ARK2C: variants seen among roughly 807,000 people sequenced by gnomAD.
ARK2C encodes E3 ubiquitin-protein ligase ARK2C.
the ARK2C span, among the ~76,000 whole-genome samples, chr18:46,343,231 G>A: frequency 5.9e-3 from 902 of 152,300 alleles, 8 homozygotes; most frequent in Middle Eastern, 0.027. Context: ...CCCTTCCATC[G>A]AGAGGCCCAA....
the ARK2C span, chr18:46,450,460 C>T: frequency 1.6e-6 from 2 of 1,249,228 alleles, no homozygotes; most frequent in Non-Finnish European, 2.4e-6. Context: ...GTTATCATCC[C>T]TTTTCCCTCC....
the ARK2C span, among the ~76,000 whole-genome samples, chr18:46,372,406 G>A: frequency 6.6e-6 from 1 of 152,330 alleles, no homozygotes; most frequent in African/African-American, 2.4e-5. Context: ...CCTCCCAGAG[G>A]CTGCATACAG....
the ARK2C span, among the ~76,000 whole-genome samples, chr18:46,416,456 A>G: frequency 2.6e-5 from 4 of 152,354 alleles, no homozygotes; most frequent in East Asian, 7.7e-4. Flanking sequence ...GAGACAATAC[A>G]GGGACTTTTC....
chr18:46,439,728 A>G, the ARK2C span, among the ~76,000 whole-genome samples: 1 of 152,234 alleles, frequency 6.6e-6, no homozygotes, highest in Non-Finnish European at 1.5e-5. Flanking sequence ...TTTATTATAG[A>G]AAATATCAAA....
At chr18:46,389,460 G>A in the ARK2C span, among the ~76,000 whole-genome samples, 2 of 152,162 alleles carry the variant, frequency 1.3e-5, no homozygotes, top group Non-Finnish European at 2.9e-5. Flanking sequence ...TGTAGGCACG[G>A]AAGTATATGT....
chr18:46,346,761 C>A, the ARK2C span, among the ~76,000 whole-genome samples: 1 of 152,164 alleles, frequency 6.6e-6, no homozygotes, highest in Admixed American at 6.5e-5. Flanking sequence ...CACCACACAC[C>A]CCACTTCCCC....
At chr18:46,365,085 T>A in the ARK2C span, among the ~76,000 whole-genome samples, 41 of 152,324 alleles carry the variant, frequency 2.7e-4, 2 homozygotes, top group South Asian at 8.3e-3. Context: ...ATATTCCTGC[T>A]TTATCACCAT....
At chr18:46,432,893 C>A in the ARK2C span, among the ~76,000 whole-genome samples, 1 of 152,054 alleles carries the variant, frequency 6.6e-6, no homozygotes, top group Non-Finnish European at 1.5e-5. Flanking sequence ...TGCAGTGAGC[C>A]GAGATCGCGC....
At chr18:46,437,138 T>TCCCTGCCCTAGCAGGGGATGCTAGGAGG in the ARK2C span, among the ~76,000 whole-genome samples, 7,416 of 152,066 alleles carry the variant, frequency 0.049, 257 homozygotes, top group Non-Finnish European at 0.07. Context: ...GGGAGGCTGG[T>TCCCTGCCCTAGCAGGGGATGCTAGGAGG]CCCTGCCCTA....
the ARK2C span, among the ~76,000 whole-genome samples, chr18:46,383,917 C>T: frequency 1.3e-5 from 2 of 152,186 alleles, no homozygotes; most frequent in Non-Finnish European, 2.9e-5. Flanking sequence ...GTAGTCAGTC[C>T]GATGAAGTTA....
chr18:46,389,441 C>A, the ARK2C span, among the ~76,000 whole-genome samples: 1 of 152,162 alleles, frequency 6.6e-6, no homozygotes, highest in African/African-American at 2.4e-5. Flanking sequence ...TGGTTCAATC[C>A]CTTCATTTTG....
At chr18:46,451,026 G>T in the ARK2C span, among the ~76,000 whole-genome samples, 2 of 151,966 alleles carry the variant, frequency 1.3e-5, no homozygotes, top group Non-Finnish European at 2.9e-5. Flanking sequence ...AAGAAGGAGA[G>T]CTGGGTATCC....
the ARK2C span, chr18:46,337,035 TG>T: frequency 1.0e-6 from 1 of 985,302 alleles, no homozygotes; most frequent in African/African-American, 1.7e-5. Context: ...ACATCCGCCC[TG>T]GCCCTCAGAG....
the ARK2C span, among the ~76,000 whole-genome samples, chr18:46,401,526 C>T: frequency 1.3e-5 from 2 of 152,110 alleles, no homozygotes; most frequent in Non-Finnish European, 2.9e-5. Flanking sequence ...AGTGATTTGC[C>T]CATGATCACC....
the ARK2C span, among the ~76,000 whole-genome samples, chr18:46,405,941 A>T: frequency 6.6e-6 from 1 of 151,986 alleles, no homozygotes; most frequent in Non-Finnish European, 1.5e-5. Context: ...CTGCCTAGGC[A>T]TGTGCACACA....
the ARK2C span, among the ~76,000 whole-genome samples, chr18:46,351,801 C>T: frequency 1.3e-5 from 2 of 152,154 alleles, no homozygotes; most frequent in Admixed American, 6.5e-5. Flanking sequence ...AGGCAGTGTC[C>T]CACCGTGGCG....
At chr18:46,346,342 G>C in the ARK2C span, among the ~76,000 whole-genome samples, 2 of 152,350 alleles carry the variant, frequency 1.3e-5, no homozygotes, top group South Asian at 4.1e-4. Context: ...CTACAATTCA[G>C]TGGCATTACG....
chr18:46,404,731 G>A, the ARK2C span, among the ~76,000 whole-genome samples: 2 of 151,738 alleles, frequency 1.3e-5, no homozygotes, highest in Non-Finnish European at 2.9e-5. Context: ...CCAGCCTGGG[G>A]CACAGAGCGA....
chr18:46,430,378 G>A, the ARK2C span, among the ~76,000 whole-genome samples: 1 of 152,154 alleles, frequency 6.6e-6, no homozygotes, highest in Non-Finnish European at 1.5e-5. Context: ...TTCTCTGGAA[G>A]GCTTCAGAAC....
Sources: gnomAD v4.1 joint callset for allele counts (sites outside exome capture counted in the v4.1 genomes callset) on GRCh38, gnomAD v4.1.1 for gene constraint, MANE v1.5 for transcripts, NCBI Gene and HGNC (gene_info 2026-07-23, HGNC 2026-07-21) for gene names.